Variants in MEIS1 observed in about 807,000 individuals in gnomAD.
MEIS1 encodes Meis homeobox 1, also known as homeobox protein Meis1.
In MEIS1, 5 loss-of-function variants were observed where a neutral mutation model predicts 50.8. The observed-to-expected ratio is 0.10, with a 90% CI of 0.05 to 0.21. MEIS1 has a LOEUF of 0.21. Ranked by LOEUF, MEIS1 falls within the 10% of genes least tolerant of loss-of-function variation. The pLI is 1.00. For synonymous variants in MEIS1, 176 were observed against 179.3 expected (o/e 0.98, Z 0.15); for missense variants, 318 against 517.3 (o/e 0.61, Z 3.74).
chr2:66,493,821 C>G (rs1468583111), intron 7 of MEIS1, among the ~76,000 whole-genome samples: 1 of 152,090 alleles, frequency 6.6e-6, no homozygotes, highest in African/African-American at 2.4e-5. Context: ...AGATGTTATT[C>G]ATTACATGTA....
intron 9 of MEIS1, among the ~76,000 whole-genome samples, chr2:66,555,510 G>A (rs747584208): frequency 6.6e-6 from 1 of 152,134 alleles, no homozygotes; most frequent in Non-Finnish European, 1.5e-5. Flanking sequence ...AAACAAACTC[G>A]GCTAAGAGGG....
intron 8 of MEIS1, among the ~76,000 whole-genome samples, chr2:66,531,929 A>G (rs1674401764): frequency 1.3e-5 from 2 of 151,960 alleles, no homozygotes; most frequent in South Asian, 4.2e-4. Flanking sequence ...TATGGCTCTC[A>G]GTTAAAAAAA....
chr2:66,530,652 C>T (rs552817465), intron 8 of MEIS1, among the ~76,000 whole-genome samples: 2 of 151,712 alleles, frequency 1.3e-5, no homozygotes, highest in African/African-American at 4.8e-5. Context: ...GGAGGCGGAG[C>T]TTGCAGTGAG....
At chr2:66,503,339 A>C (rs1340539433) in intron 7 of MEIS1, among the ~76,000 whole-genome samples, 1 of 152,106 alleles carries the variant, frequency 6.6e-6, no homozygotes, top group Non-Finnish European at 1.5e-5. Flanking sequence ...TCCTCCAGCC[A>C]CACAAGGCCT....
chr2:66,438,096 T>C (rs1470076587), intron 2 of MEIS1, 133 bp downstream of exon 2: 4 of 854,578 alleles, frequency 4.7e-6, no homozygotes, highest in Middle Eastern at 2.3e-4. Context: ...TCACATTTCA[T>C]GGATAATTTG....
At chr2:66,446,186 G>A (rs1672140331) in intron 6 of MEIS1, among the ~76,000 whole-genome samples, 2 of 152,310 alleles carry the variant, frequency 1.3e-5, no homozygotes, top group South Asian at 4.1e-4. Context: ...GAACGATGCG[G>A]GTTCGACCGG....
chr2:66,489,222 A>G (rs1435996370), intron 7 of MEIS1, among the ~76,000 whole-genome samples: 3 of 152,242 alleles, frequency 2.0e-5, no homozygotes, highest in African/African-American at 7.2e-5. Flanking sequence ...TTTTAGCACC[A>G]AGGACATATT....
At chr2:66,500,757 G>C (rs1022865484) in intron 7 of MEIS1, among the ~76,000 whole-genome samples, 1 of 152,156 alleles carries the variant, frequency 6.6e-6, no homozygotes, top group East Asian at 1.9e-4. Context: ...TGCTTTTCAA[G>C]TGTATTTTAT....
intron 6 of MEIS1, among the ~76,000 whole-genome samples, chr2:66,461,624 C>T (rs1207463933): frequency 6.6e-6 from 1 of 152,186 alleles, no homozygotes; most frequent in East Asian, 1.9e-4. Flanking sequence ...TTGGCTCCTA[C>T]CTTTGGTGAA....
At chr2:66,518,451 A>G (rs772994654) in intron 8 of MEIS1, among the ~76,000 whole-genome samples, 15 of 152,226 alleles carry the variant, frequency 9.9e-5, no homozygotes, top group Non-Finnish European at 1.6e-4. Context: ...TATATTCTTA[A>G]TTGGGCTGAT....
In MEIS1 at chr2:66,572,925, C is replaced by T. The variant is rs375857344; in HGVS notation, c.*1717C>T. The T allele has an allele frequency of 1.3e-5, 2 of 152,150 alleles. No homozygotes were observed. Among genetic ancestry groups the T allele is most frequent in the East Asian group, 1.9e-4 (1 of 5,194 alleles). The allele number at this position is 152,150 out of a possible 1,614,324, so 9.4% of individuals were successfully genotyped here. A position where few individuals can be genotyped will look rare whatever the true frequency, so the allele number is the denominator to read the frequency against. ...ATAACCACTGATTTCTTTAAGCTGA[C>T]TTAATGAACTCCTAATATCAGCAAA... On this transcript the variant is annotated 3_prime_UTR_variant, in exon 13 of 13. Coordinates refer to ENST00000272369, the MANE Select transcript of MEIS1 (RefSeq NM_002398.3).
At chr2:66,562,299 C>T (rs1349948568) in intron 9 of MEIS1, among the ~76,000 whole-genome samples, 1 of 150,810 alleles carries the variant, frequency 6.6e-6, no homozygotes, top group Non-Finnish European at 1.5e-5. Flanking sequence ...GGACAAAGGT[C>T]AGTTTCAAAA....
intron 7 of MEIS1, among the ~76,000 whole-genome samples, chr2:66,477,309 G>T (rs1465041045): frequency 6.6e-6 from 1 of 152,212 alleles, no homozygotes; most frequent in Non-Finnish European, 1.5e-5. Flanking sequence ...GACGCAGAGG[G>T]TAGTGGAGTG....
chr2:66,477,120 A>G (rs553482487), intron 7 of MEIS1, among the ~76,000 whole-genome samples: 8 of 152,276 alleles, frequency 5.3e-5, no homozygotes, highest in Admixed American at 1.3e-4. Flanking sequence ...GTAGGGAGTC[A>G]TTGGAAATGT....
chr2:66,509,952 G>A (rs978600188), intron 7 of MEIS1, among the ~76,000 whole-genome samples: 2 of 152,172 alleles, frequency 1.3e-5, no homozygotes, highest in African/African-American at 4.8e-5. Flanking sequence ...ATCTGAAGGG[G>A]TTTGAGGTGG....
intron 7 of MEIS1, among the ~76,000 whole-genome samples, chr2:66,503,650 T>A (rs1673611356): frequency 7.3e-6 from 1 of 136,156 alleles, no homozygotes; most frequent in Admixed American, 7.6e-5. Flanking sequence ...AGTGTTGGCC[T>A]AGTGTTTGGG....
chr2:66,464,708 A>G (rs1247844680), intron 7 of MEIS1, among the ~76,000 whole-genome samples: 2 of 152,036 alleles, frequency 1.3e-5, no homozygotes, highest in East Asian at 1.9e-4. Flanking sequence ...ACTTATCTGA[A>G]TCTCCTAAGT....
intron 9 of MEIS1, among the ~76,000 whole-genome samples, chr2:66,563,478 C>T (rs906404244): frequency 3.9e-5 from 6 of 152,146 alleles, no homozygotes; most frequent in African/African-American, 9.7e-5. Flanking sequence ...ACTTATGCCT[C>T]TTAAAATGAC....
chr2:66,548,367 A>G (rs1047684751), intron 9 of MEIS1, among the ~76,000 whole-genome samples: 1 of 152,290 alleles, frequency 6.6e-6, no homozygotes, highest in African/African-American at 2.4e-5. Flanking sequence ...TTTTCTACAA[A>G]ACAAGAAAAT....
Sources: allele counts gnomAD v4.1 joint callset (sites outside exome capture counted in the v4.1 genomes callset), GRCh38; gene constraint gnomAD v4.1.1; transcripts MANE v1.5; gene names NCBI Gene and HGNC (gene_info 2026-07-23, HGNC 2026-07-21).